Variants in IGF2BP1 observed in about 807,000 individuals in gnomAD.
The protein encoded by IGF2BP1 is insulin-like growth factor 2 mRNA-binding protein 1.
A neutral mutation model predicts 74.9 loss-of-function variants in IGF2BP1; 11 were observed. The ratio of observed to expected loss-of-function variants is 0.15; its 90% CI spans 0.09 to 0.24. The LOEUF (loss-of-function observed/expected upper bound fraction) is 0.24. Ranked by LOEUF, IGF2BP1 falls within the 10% of genes least tolerant of loss-of-function variation. The pLI is 1.00. For missense variants in IGF2BP1, 440 were observed against 757.4 expected (o/e 0.58, Z 4.92); for synonymous variants, 287 against 281.8 (o/e 1.02, Z -0.18).
intron 6 of IGF2BP1, 37 bp downstream of exon 6, chr17:49,038,486 T>A: frequency 7.0e-7 from 1 of 1,434,972 alleles, no homozygotes; most frequent in Admixed American, 2.8e-5. Context: ...GGTTGGGTGC[T>A]AGGGAACAGT....
intron 2 of IGF2BP1, among the ~76,000 whole-genome samples, chr17:49,022,076 G>A (rs1272056980): frequency 3.9e-5 from 6 of 152,222 alleles, no homozygotes; most frequent in Admixed American, 3.9e-4. Flanking sequence ...TTACTACATG[G>A]CAGGCAGCTT....
At chr17:49,036,012 G>C (rs1227530415) in intron 5 of IGF2BP1, among the ~76,000 whole-genome samples, 1 of 152,230 alleles carries the variant, frequency 6.6e-6, no homozygotes, top group African/African-American at 2.4e-5. Flanking sequence ...ACTGTTTAAG[G>C]CACTGTGTAC....
chr17:48,998,879 C>T (rs1406792391), intron 1 of IGF2BP1, among the ~76,000 whole-genome samples: 2 of 152,108 alleles, frequency 1.3e-5, no homozygotes, highest in Non-Finnish European at 2.9e-5. Flanking sequence ...CAACAAGCCT[C>T]AGTGATTTAA....
At chr17:49,046,473 C>T in intron 14 of IGF2BP1, 100 bp downstream of exon 14, 1 of 856,570 alleles carries the variant, frequency 1.2e-6, no homozygotes, top group South Asian at 1.6e-5. Flanking sequence ...TTGACAAGTC[C>T]TGGGGCCTCA....
At chr17:49,026,707 T>TCCTG (rs1255553995) in intron 4 of IGF2BP1, among the ~76,000 whole-genome samples, 190 bp downstream of exon 4, 1 of 131,052 alleles carries the variant, frequency 7.6e-6, no homozygotes, top group African/African-American at 2.7e-5. Flanking sequence ...CTTCCTGCCT[T>TCCTG]CCTGCCTTCC....
Position 49,043,952 on chromosome 17 carries a change from C to T in IGF2BP1, c.1201-15C>T, listed in dbSNP as rs199610930. On this transcript the variant is annotated splice_polypyrimidine_tract_variant and intron_variant, in intron 10 of 14. Transcript: ENST00000290341. ...TACTTGGGCCCCCTGGTAACAACGC[C>T]TCCTATCCTGGCAGCAGGCTCCCGA... is the stretch of plus-strand genomic sequence containing the variant. 133 of 1,612,984 alleles carry T rather than the reference C, an allele frequency of 8.2e-5. 1 individual carries two copies. In the East Asian group the frequency reaches 2.5e-3, roughly 31 times the overall value.
intron 5 of IGF2BP1, among the ~76,000 whole-genome samples, chr17:49,034,899 T>C (rs948433784): frequency 6.6e-6 from 1 of 152,250 alleles, no homozygotes; most frequent in African/African-American, 2.4e-5. Context: ...TTTTCACTTG[T>C]GATTGTCACA....
Position 49,053,374 on chromosome 17 carries a change from C to T in IGF2BP1, c.*3930C>T, listed in dbSNP as rs1389457238. On this transcript the variant is annotated 3_prime_UTR_variant, in exon 15 of 15. Transcript: ENST00000290341. ...CCTGGCTGTCTGAGGAGGAAGGCCT[C>T]CTGGAAACTGGGAGCTAAGGGCGAG... 1.3e-5 allele frequency: 2 copies of T among 152,702 alleles called. No homozygotes were observed. The highest frequency in any genetic ancestry group is 4.8e-5 in the African/African-American group (2 of 41,438). The allele number at this position is 152,702 out of a possible 1,614,324, so 9.5% of individuals were successfully genotyped here. A position where few individuals can be genotyped will look rare whatever the true frequency, so the allele number is the denominator to read the frequency against.
intron 2 of IGF2BP1, among the ~76,000 whole-genome samples, chr17:49,015,592 G>A (rs1365753980): frequency 3.3e-5 from 5 of 152,208 alleles, no homozygotes; most frequent in East Asian, 1.9e-4. Context: ...CTGTAGGTTT[G>A]TCCTGATGGT....
intron 4 of IGF2BP1, among the ~76,000 whole-genome samples, chr17:49,029,544 G>C (rs2041897816): frequency 6.6e-6 from 1 of 152,108 alleles, no homozygotes. Flanking sequence ...TTTAAGCCAG[G>C]GTCCCCCACC....
chr17:49,008,267 AAGGACT>A (rs2041574907), intron 2 of IGF2BP1, among the ~76,000 whole-genome samples: 1 of 152,192 alleles, frequency 6.6e-6, no homozygotes, highest in Non-Finnish European at 1.5e-5. Context: ...TATTCCAAAC[AAGGACT>A]AGATGTACTA....
In IGF2BP1 at chr17:49,038,874, A is replaced by ATCTTTTTTTTTTTTTTTTTTTTTTT. The variant is rs1491495832; in HGVS notation, c.683+426_683+427insCTTTTTTTTTTTTTTTTTTTTTTTT. Among the ~76,000 whole-genome samples, 9 of 75,272 alleles carry ATCTTTTTTTTTTTTTTTTTTTTTTT rather than the reference A, an allele frequency of 1.2e-4. 1 individual carries two copies. Among genetic ancestry groups the ATCTTTTTTTTTTTTTTTTTTTTTTT allele is most frequent in the African/African-American group, 4.5e-4 (8 of 17,826 alleles). 49.4% of individuals were successfully genotyped at this position (75,272 alleles called of 152,430 possible). On this transcript the variant is annotated intron_variant, in intron 6 of 14. Transcript: ENST00000290341. Reference sequence around the variant, plus strand: ...CTGCCACTGCCACCTTCTTTCTTTAATATTTTTTTTTTTTTTTTTTTGAGA... The same window carrying ATCTTTTTTTTTTTTTTTTTTTTTTT: ...CTGCCACTGCCACCTTCTTTCTTTAATCTTTTTTTTTTTTTTTTTTTTTTTTATTTTTTTTTTTTTTTTTTTGAGA...
chr17:49,036,245 A>AC (rs1163473466), intron 5 of IGF2BP1: 2 of 152,034 alleles, frequency 1.3e-5, no homozygotes, highest in Non-Finnish European at 2.9e-5. Flanking sequence ...GTGCTGGCGG[A>AC]CCCCATTGGG....
intron 2 of IGF2BP1, among the ~76,000 whole-genome samples, chr17:49,014,217 C>T (rs1257459052): frequency 6.7e-6 from 1 of 150,140 alleles, no homozygotes; most frequent in Non-Finnish European, 1.5e-5. Flanking sequence ...TCCCCGTCCC[C>T]CTCAGTCTCC....
In IGF2BP1 at chr17:49,049,502, G is replaced by A; in HGVS notation, c.*58G>A. 6.9e-7 allele frequency: 1 copy of A among 1,443,894 alleles called. No homozygotes were observed. Among genetic ancestry groups the A allele is most frequent in the South Asian group, 1.2e-5 (1 of 85,210 alleles). The allele number at this position is 1,443,894 out of a possible 1,614,324, so 89.4% of individuals were successfully genotyped here. A position where few individuals can be genotyped will look rare whatever the true frequency, so the allele number is the denominator to read the frequency against. On this transcript the variant is annotated 3_prime_UTR_variant, in exon 15 of 15. Coordinates refer to ENST00000290341, the MANE Select transcript of IGF2BP1 (RefSeq NM_006546.4). Reference sequence around the variant, plus strand: ...AACAACGGGCAGAAATCGAGAGTGTGCTCTCCCCGGCAGGCCTGAGAATGA... The same window carrying A: ...AACAACGGGCAGAAATCGAGAGTGTACTCTCCCCGGCAGGCCTGAGAATGA...
At chr17:49,022,771 A>T (rs1415003692) in intron 2 of IGF2BP1, among the ~76,000 whole-genome samples, 1 of 152,152 alleles carries the variant, frequency 6.6e-6, no homozygotes, top group Non-Finnish European at 1.5e-5. Context: ...TGGGAGTTTG[A>T]AGTGCGAGGG....
chr17:49,033,345 T>A (rs2041946668), intron 5 of IGF2BP1, among the ~76,000 whole-genome samples: 3 of 149,506 alleles, frequency 2.0e-5, no homozygotes, highest in African/African-American at 5.0e-5. Context: ...TTTTAATTTT[T>A]ATTTTATTTT....
chr17:49,004,427 G>A (rs986589663), intron 2 of IGF2BP1, among the ~76,000 whole-genome samples: 1 of 152,250 alleles, frequency 6.6e-6, no homozygotes, highest in African/African-American at 2.4e-5. Context: ...GAGAGGAAGA[G>A]TAGGTAAAGG....
rs2041511717 is a variant in IGF2BP1 at position 49,003,742 on chromosome 17, T to A, written c.236+4573T>A. Reference sequence around the variant, plus strand: ...AAGCAGCAGGGGGAGACTGGAGAAATCAGACGAGTTAGTCCCGGCTTGGAA... The same window carrying A: ...AAGCAGCAGGGGGAGACTGGAGAAAACAGACGAGTTAGTCCCGGCTTGGAA... On this transcript the variant is annotated intron_variant, in intron 2 of 14. Coordinates refer to ENST00000290341, the MANE Select transcript of IGF2BP1 (RefSeq NM_006546.4). Among the ~76,000 whole-genome samples, 2 of 130,384 alleles carry A rather than the reference T, an allele frequency of 1.5e-5. 1 individual carries two copies. The highest frequency in any genetic ancestry group is 9.3e-3 in the Middle Eastern group (2 of 216). The allele number at this position is 130,384 out of a possible 152,430, so 85.5% of individuals were successfully genotyped here.
Sources: allele counts gnomAD v4.1 joint callset (sites outside exome capture counted in the v4.1 genomes callset), GRCh38; gene constraint gnomAD v4.1.1; transcripts MANE v1.5; gene names NCBI Gene and HGNC (gene_info 2026-07-23, HGNC 2026-07-21).